RBFOX3: variants seen among roughly 807,000 people sequenced by gnomAD.
The protein encoded by RBFOX3 is RNA binding protein fox-1 homolog 3.
RBFOX3 carries 17 observed loss-of-function variants against 48.7 expected under a neutral mutation model. The observed-to-expected ratio is 0.35, with a 90% confidence interval of 0.24 to 0.52. RBFOX3 has a LOEUF of 0.52. Ranked by LOEUF, RBFOX3 falls within the 20% of genes least tolerant of loss-of-function variation. RBFOX3 has a pLI of 0.94. For missense variants in RBFOX3, 382 were observed against 497.5 expected (o/e 0.77, Z 2.21); for synonymous variants, 212 against 209.5 (o/e 1.01, Z -0.10).
chr17:79,304,663 T>C (rs11077425), intron 3 of RBFOX3, among the ~76,000 whole-genome samples: 49,912 of 152,078 alleles, frequency 0.33, 9,938 homozygotes, highest in East Asian at 0.48. Context: ...CTGACCTGAC[T>C]TTAATTGAAA....
At position 79,386,670 on chromosome 17, in the gene RBFOX3, T is replaced by C. The variant is rs149607874; in HGVS notation, c.-174-78846A>G. ...ACCACGGGCACCTTTCCCCAAGGAG[T>C]TCCTTCCCCACCCGACATCTTGGCC... is the stretch of plus-strand genomic sequence containing the variant. On this transcript the variant is annotated intron_variant, in intron 2 of 14. Coordinates refer to ENST00000693108, the MANE Select transcript of RBFOX3 (RefSeq NM_001350451.2). Among the ~76,000 whole-genome samples the C allele has an allele frequency of 3.8e-3, 581 of 152,142 alleles. 3 individuals are homozygous for C. The highest frequency in any genetic ancestry group is 6.0e-3 in the Non-Finnish European group (409 of 67,990).
Position 79,252,410 on chromosome 17 carries a change from G to A in RBFOX3, c.-73-16605C>T, listed in dbSNP as rs777341404. On this transcript the variant is annotated intron_variant, in intron 3 of 14. Coordinates refer to ENST00000693108, the MANE Select transcript of RBFOX3 (RefSeq NM_001350451.2). This position sits in a 1 kb window ranked among gnomAD's most constrained non-coding sequence, Gnocchi z 4.0. ...ATTTCAGTGAATGGATCTATCACCC[G>A]TCCAAGTGAGCAAGTCAGCTGGGGT... Among the ~76,000 whole-genome samples the A allele has an allele frequency of 1.3e-5, 2 of 152,104 alleles. No individual in the cohort carries two copies. Among genetic ancestry groups the A allele is most frequent in the Non-Finnish European group, 1.5e-5 (1 of 68,026 alleles).
chr17:79,147,686 A>G (rs1231762729), intron 4 of RBFOX3, among the ~76,000 whole-genome samples: 1 of 152,046 alleles, frequency 6.6e-6, no homozygotes, highest in East Asian at 1.9e-4. Flanking sequence ...AGCCTTGCAC[A>G]CCCCTGGTTC....
At chr17:79,115,885 C>T (rs1599499980) in intron 4 of RBFOX3, 137 bp from the exon 5 acceptor site, 2 of 530,448 alleles carry the variant, frequency 3.8e-6, no homozygotes. Context: ...CCAAGGGGGG[C>T]TCGCCGGCAT....
intron 4 of RBFOX3, among the ~76,000 whole-genome samples, chr17:79,193,447 C>T (rs1470759989): frequency 6.6e-6 from 1 of 152,164 alleles, no homozygotes. Context: ...CTCACCTCCC[C>T]CCGCCAACCC....
chr17:79,170,128 A>G (rs112791051), intron 4 of RBFOX3, among the ~76,000 whole-genome samples: 3,565 of 135,686 alleles, frequency 0.026, 52 homozygotes, highest in Middle Eastern at 0.095. Context: ...GGAAGGAAGG[A>G]AGGAGGAAGG....
intron 1 of RBFOX3, among the ~76,000 whole-genome samples, chr17:79,492,201 T>C (rs1365153385): frequency 1.3e-5 from 2 of 152,102 alleles, no homozygotes; most frequent in Admixed American, 1.3e-4. Context: ...TCAGTGGTGG[T>C]GCTAGCATCC....
At chr17:79,394,685 G>A (rs1264959557) in intron 2 of RBFOX3, among the ~76,000 whole-genome samples, 1 of 152,222 alleles carries the variant, frequency 6.6e-6, no homozygotes, top group African/African-American at 2.4e-5. Context: ...CTTGGACCAT[G>A]CCTCTTTATC....
intron 4 of RBFOX3, among the ~76,000 whole-genome samples, chr17:79,141,845 G>A (rs1050011529): frequency 1.1e-4 from 16 of 152,306 alleles, no homozygotes; most frequent in Middle Eastern, 3.4e-3. Context: ...GAAAGTGAGC[G>A]TTATCTATAA....
intron 2 of RBFOX3, among the ~76,000 whole-genome samples, chr17:79,365,007 C>T (rs894934661): frequency 6.6e-6 from 1 of 152,038 alleles, no homozygotes; most frequent in African/African-American, 2.4e-5. Flanking sequence ...CAGGATGCTC[C>T]CTGGGCCAGT....
chr17:79,526,924 G>A (rs992956635), intron 1 of RBFOX3, among the ~76,000 whole-genome samples: 6 of 152,212 alleles, frequency 3.9e-5, no homozygotes, highest in African/African-American at 1.4e-4. Context: ...AGCCAGCCAC[G>A]CTGGAGGCTT....
At chr17:79,631,335 G>A in the RBFOX3 span, among the ~76,000 whole-genome samples, 7 of 152,176 alleles carry the variant, frequency 4.6e-5, no homozygotes, top group Non-Finnish European at 7.4e-5. Flanking sequence ...AAGGAGACAC[G>A]GGCAGTGAGA....
chr17:79,131,594 C>T (rs759562987), intron 4 of RBFOX3, among the ~76,000 whole-genome samples: 2 of 152,210 alleles, frequency 1.3e-5, no homozygotes, highest in African/African-American at 2.4e-5. Context: ...TAGGAAGCCA[C>T]GGATCATGTT....
intron 4 of RBFOX3, among the ~76,000 whole-genome samples, chr17:79,118,042 G>A (rs564813155): frequency 1.3e-5 from 2 of 152,182 alleles, no homozygotes; most frequent in Non-Finnish European, 2.9e-5. Context: ...GGGTGGGTGC[G>A]CATAGCTGGA....
At chr17:79,374,734 A>T in intron 2 of RBFOX3, among the ~76,000 whole-genome samples, 1 of 152,356 alleles carries the variant, frequency 6.6e-6, no homozygotes, top group South Asian at 2.1e-4. Flanking sequence ...ATCAAAACAG[A>T]TAACTTAAGG....
chr17:79,553,671 C>A (rs1376832973), intron 1 of RBFOX3, among the ~76,000 whole-genome samples: 1 of 152,074 alleles, frequency 6.6e-6, no homozygotes, highest in East Asian at 1.9e-4. Flanking sequence ...TTATATTTCT[C>A]CCTTATTATT....
chr17:79,375,477 G>A (rs895716572), intron 2 of RBFOX3, among the ~76,000 whole-genome samples: 4 of 151,752 alleles, frequency 2.6e-5, no homozygotes, highest in African/African-American at 9.7e-5. Flanking sequence ...ACATACTCTC[G>A]GCCCCCAGGG....
At chr17:79,590,219 G>T (rs2093377479) in intron 1 of RBFOX3, among the ~76,000 whole-genome samples, 1 of 152,156 alleles carries the variant, frequency 6.6e-6, no homozygotes, top group African/African-American at 2.4e-5. Context: ...CCTGATAGGG[G>T]ACAGACACGC....
intron 2 of RBFOX3, among the ~76,000 whole-genome samples, chr17:79,328,215 C>T (rs751836689): frequency 6.6e-6 from 1 of 152,166 alleles, no homozygotes; most frequent in Non-Finnish European, 1.5e-5. Context: ...ATCCAGGAGG[C>T]GTGAGGCTGG....
Sources: allele counts gnomAD v4.1 joint callset (sites outside exome capture counted in the v4.1 genomes callset), GRCh38; gene constraint gnomAD v4.1.1; non-coding constraint Gnocchi (gnomAD v3.1); transcripts MANE v1.5; gene names NCBI Gene and HGNC (gene_info 2026-07-23, HGNC 2026-07-21).